Variants in XYLT1 observed in about 807,000 individuals in gnomAD.
XYLT1 encodes xylosyltransferase 1, also known as beta-D-xylosyltransferase 1.
In XYLT1, 36 loss-of-function variants were observed where a neutral mutation model predicts 91.3. The ratio of observed to expected loss-of-function variants is 0.39; its 90% confidence interval spans 0.30 to 0.52. The LOEUF (loss-of-function observed/expected upper bound fraction) is 0.52. XYLT1 is among the 20% of genes least tolerant of loss of function. XYLT1 has a pLI of 0.68. For missense variants in XYLT1, 1,242 were observed against 1,284.5 expected (o/e 0.97, Z 0.51); for synonymous variants, 588 against 532.0 (o/e 1.11, Z -1.45).
chr16:17,218,207 A>T (rs998890405), intron 3 of XYLT1, among the ~76,000 whole-genome samples: 2 of 152,030 alleles, frequency 1.3e-5, no homozygotes, highest in Non-Finnish European at 2.9e-5. Context: ...GCAGTGAGCC[A>T]AAATCACACC....
intron 2 of XYLT1, among the ~76,000 whole-genome samples, chr16:17,289,774 C>G (rs1313478509): frequency 6.6e-6 from 1 of 152,132 alleles, no homozygotes; most frequent in Non-Finnish European, 1.5e-5. Flanking sequence ...GAAAACAAAA[C>G]AAACGCAAAC....
chr16:17,448,122 C>T (rs567488424), intron 1 of XYLT1, among the ~76,000 whole-genome samples: 83 of 152,354 alleles, frequency 5.4e-4, no homozygotes, highest in African/African-American at 1.8e-3. Context: ...AATCCCACCA[C>T]TCTGGGAGGC....
intron 2 of XYLT1, among the ~76,000 whole-genome samples, chr16:17,314,567 T>C (rs575527206): frequency 8.7e-4 from 132 of 152,302 alleles, no homozygotes; most frequent in South Asian, 1.2e-3. Context: ...TGAAAATGTA[T>C]GCACAATCAG....
intron 1 of XYLT1, among the ~76,000 whole-genome samples, chr16:17,465,093 G>C (rs555333266): frequency 8.4e-5 from 10 of 119,520 alleles, no homozygotes; most frequent in African/African-American, 3.2e-4. Flanking sequence ...GCAGTGAGCC[G>C]AGATCACGCC....
intron 2 of XYLT1, among the ~76,000 whole-genome samples, chr16:17,281,886 G>C (rs1002739053): frequency 6.6e-6 from 1 of 152,118 alleles, no homozygotes; most frequent in Non-Finnish European, 1.5e-5. Flanking sequence ...ATGCTGTAGG[G>C]TTCTATGGTT....
intron 3 of XYLT1, among the ~76,000 whole-genome samples, chr16:17,222,505 C>A (rs2032986568): frequency 6.6e-6 from 1 of 152,128 alleles, no homozygotes; most frequent in Admixed American, 6.5e-5. Context: ...AATGCAGAAT[C>A]TAGACCGGGC....
At chr16:17,442,609 C>T (rs367615972) in intron 1 of XYLT1, among the ~76,000 whole-genome samples, 15 of 152,206 alleles carry the variant, frequency 9.9e-5, no homozygotes, top group Middle Eastern at 3.4e-3. Flanking sequence ...CCTGGAGGTT[C>T]CACAGCTCTG....
intron 3 of XYLT1, among the ~76,000 whole-genome samples, chr16:17,215,589 T>C (rs1378594027): frequency 1.3e-5 from 2 of 152,164 alleles, no homozygotes; most frequent in Non-Finnish European, 1.5e-5. Flanking sequence ...CCACCTGGTC[T>C]ATGGTAATTT....
chr16:17,317,799 T>TCTGTAATG (rs565797846), intron 2 of XYLT1, among the ~76,000 whole-genome samples: 230 of 152,218 alleles, frequency 1.5e-3, no homozygotes, highest in African/African-American at 5.2e-3. Flanking sequence ...ACTGCCCACC[T>TCTGTAATG]CTGTAATGTC....
chr16:17,191,121 T>C (rs980421794), intron 5 of XYLT1, among the ~76,000 whole-genome samples: 2 of 152,110 alleles, frequency 1.3e-5, no homozygotes, highest in African/African-American at 4.8e-5. Context: ...AAAAGAGGGA[T>C]GAGGAAGGGG....
At chr16:17,222,683 G>A (rs752389086) in intron 3 of XYLT1, among the ~76,000 whole-genome samples, 4 of 151,434 alleles carry the variant, frequency 2.6e-5, no homozygotes, top group Non-Finnish European at 5.9e-5. Flanking sequence ...CCAGCTACTT[G>A]GGAGGCTGAG....
At chr16:17,215,954 G>C (rs2032849984) in intron 3 of XYLT1, among the ~76,000 whole-genome samples, 1 of 152,158 alleles carries the variant, frequency 6.6e-6, no homozygotes, top group South Asian at 2.1e-4. Flanking sequence ...GTTGAGGAGT[G>C]GGTGGCAGGC....
At chr16:17,396,766 G>T (rs538729608) in intron 1 of XYLT1, among the ~76,000 whole-genome samples, 1 of 152,260 alleles carries the variant, frequency 6.6e-6, no homozygotes. Flanking sequence ...AGCTACTCGG[G>T]AATCTGAGGC....
chr16:17,377,341 C>A (rs887082081), intron 1 of XYLT1, among the ~76,000 whole-genome samples: 2 of 152,154 alleles, frequency 1.3e-5, no homozygotes, highest in Admixed American at 6.5e-5. Context: ...CCTGTTGGGA[C>A]CTCATGAGGC....
At chr16:17,305,224 A>G (rs1254455144) in intron 2 of XYLT1, among the ~76,000 whole-genome samples, 1 of 152,090 alleles carries the variant, frequency 6.6e-6, no homozygotes, top group African/African-American at 2.4e-5. Flanking sequence ...TCATTCTCCA[A>G]CTTAGATTCC....
At chr16:17,357,193 A>AC (rs1385156091) in intron 2 of XYLT1, among the ~76,000 whole-genome samples, 7 of 147,288 alleles carry the variant, frequency 4.8e-5, no homozygotes, top group Admixed American at 4.7e-4. Flanking sequence ...AAAAAAAAAA[A>AC]AAAAAACGCT....
chr16:17,116,980 CT>C (rs905383693), intron 11 of XYLT1, among the ~76,000 whole-genome samples: 25 of 151,314 alleles, frequency 1.7e-4, no homozygotes, highest in African/African-American at 4.8e-4. Context: ...GGTTGGTGGT[CT>C]TTTTTTTTGT....
intron 9 of XYLT1, among the ~76,000 whole-genome samples, chr16:17,132,334 G>A (rs13380460): frequency 1.3e-5 from 2 of 152,154 alleles, no homozygotes; most frequent in African/African-American, 4.8e-5. Context: ...ATCTTAATAA[G>A]TGTCATAGAG....
In XYLT1 at chr16:17,117,861, G is replaced by A; in HGVS notation, c.2342C>T (p.Thr781Ile). 1 of 1,614,084 alleles carries A rather than the reference G, an allele frequency of 6.2e-7. No homozygotes were observed. Among genetic ancestry groups the A allele is most frequent in the Non-Finnish European group, 8.5e-7 (1 of 1,180,026 alleles). The change falls in exon 11 of 12, where the codon ACC (threonine) becomes ATC (isoleucine). Residue 781 changes from threonine (T) to isoleucine (I), a missense_variant. By Grantham distance (89) the Thr-to-Ile change is moderately conservative. Transcript: ENST00000261381. ...KWGKGPNVTV[T>I]VIWVDPVNVI... ...ATTGACGGGATCCACCCAAATGACG[G>A]TCACGGTCACATTAGGTCCCTTCCC...
Sources: gnomAD v4.1 joint callset for allele counts (sites outside exome capture counted in the v4.1 genomes callset) on GRCh38, gnomAD v4.1.1 for gene constraint, MANE v1.5 for transcripts, NCBI Gene and HGNC (gene_info 2026-07-23, HGNC 2026-07-21) for gene names.